SOAT2: variants seen among roughly 807,000 people sequenced by gnomAD.
SOAT2 encodes the protein ACAT-2.
Under a neutral mutation model 76.0 loss-of-function variants are expected in SOAT2, and 87 were observed. The observed-to-expected ratio is 1.14, with a 90% CI of 0.96 to 1.37. SOAT2 has a LOEUF of 1.37. SOAT2 is among the 40% of genes most tolerant of loss of function. The pLI, the probability that SOAT2 is intolerant of heterozygous loss-of-function variation, is 0.00. For synonymous variants in SOAT2, 285 were observed against 275.4 expected, an observed-to-expected ratio of 1.03 and a Z score of -0.34; for missense variants, 686 against 682.1, an observed-to-expected ratio of 1.01 and a Z score of -0.06.
At chr12:53,115,736 G>T in intron 6 of SOAT2, 82 bp downstream of exon 6, 2 of 1,416,574 alleles carry the variant, frequency 1.4e-6, no homozygotes, top group Admixed American at 2.9e-5. Context: ...CCCAAAGAGG[G>T]GGCGGGGCCC....
At position 53,124,063 on chromosome 12, in the gene SOAT2, T is replaced by A. The variant is rs755256123; in HGVS notation, c.1519-10T>A. 6.2e-7 allele frequency: 1 copy of A among 1,614,198 alleles called. No individual in the cohort carries two copies. Among genetic ancestry groups the A allele is most frequent in the South Asian group, 1.1e-5 (1 of 91,086 alleles). On this transcript the variant is annotated splice_polypyrimidine_tract_variant and intron_variant, in intron 14 of 14. Coordinates refer to ENST00000301466, the MANE Select transcript of SOAT2 (RefSeq NM_003578.4). ...TGATCTCATTCACGACTTATTCTTCTCTGGCTCAGGCAACTTTCTGGGGGC... is the reference window on the plus strand; with the variant it reads ...TGATCTCATTCACGACTTATTCTTCACTGGCTCAGGCAACTTTCTGGGGGC...
chr12:53,103,720 C>T (rs1198726514), intron 1 of SOAT2, 61 bp downstream of exon 1: 13 of 1,307,762 alleles, frequency 9.9e-6, no homozygotes, highest in South Asian at 2.9e-5. Context: ...GGGAGAGATG[C>T]GCTATGGAGA....
chr12:53,122,685 A>C (rs1938210482), intron 12 of SOAT2, among the ~76,000 whole-genome samples: 1 of 152,054 alleles, frequency 6.6e-6, no homozygotes, highest in African/African-American at 2.4e-5. Context: ...AAGGCAGAAG[A>C]ATTTTTCTTA....
At chr12:53,121,961 C>T (rs750293169) in intron 12 of SOAT2, among the ~76,000 whole-genome samples, 10 of 151,574 alleles carry the variant, frequency 6.6e-5, no homozygotes, top group Non-Finnish European at 1.3e-4. Flanking sequence ...GCAAATGCCA[C>T]CATGCTCAGC....
chr12:53,118,276 C>G (rs1218570711), intron 7 of SOAT2, 74 bp from the exon 8 acceptor site: 1 of 845,170 alleles, frequency 1.2e-6, no homozygotes, highest in Non-Finnish European at 2.0e-6. Flanking sequence ...ATCCCACCAC[C>G]CTTCCCCAGC....
At chr12:53,123,582 C>A (rs1480055126) in intron 13 of SOAT2, 146 bp from the exon 14 acceptor site, 2 of 899,840 alleles carry the variant, frequency 2.2e-6, no homozygotes, top group Non-Finnish European at 3.4e-6. Flanking sequence ...CCACTTTAGA[C>A]CTCTACGAAT....
chr12:53,123,732 G>A lies in SOAT2; in HGVS notation c.1377G>A (p.Met459Ile), dbSNP rs1938231264. The A allele has an allele frequency of 6.2e-7, 1 of 1,614,060 alleles. No homozygotes were observed. Residue 459 changes from methionine to isoleucine, a missense_variant, in exon 14 of 15, where the codon ATG becomes ATA. Transcript: ENST00000301466. ...MLILFLVIGG[M>I]LNFMMHDQRT... The stretch of plus-strand genomic sequence containing the variant: ...CAACCTTTCCTCCTGCACCAGGAAT[G>A]TTGAACTTCATGATGCATGACCAGC...
intron 13 of SOAT2, 63 bp from the exon 14 acceptor site, chr12:53,123,665 G>C (rs1292074185): frequency 3.1e-6 from 5 of 1,590,638 alleles, no homozygotes; most frequent in Middle Eastern, 1.7e-4. Context: ...CCTGGAATGG[G>C]AGGGAAGCCA....
chr12:53,119,305 C>A (rs1320597946), intron 10 of SOAT2, 52 bp downstream of exon 10: 3 of 1,594,840 alleles, frequency 1.9e-6, no homozygotes, highest in Non-Finnish European at 1.7e-6. Context: ...GAAGGCTAAT[C>A]AGGGAAGGCC....
In SOAT2 at chr12:53,124,455, C is replaced by T. The variant is rs1938243386; in HGVS notation, c.*332C>T. 5.8e-6 allele frequency: 2 copies of T among 344,326 alleles called. No individual in the cohort carries two copies. Among genetic ancestry groups the T allele is most frequent in the Non-Finnish European group, 1.1e-5 (2 of 188,416 alleles). The allele number at this position is 344,326 out of a possible 1,614,324, so 21.3% of individuals were successfully genotyped here. A position where few individuals can be genotyped will look rare whatever the true frequency, so the allele number is the denominator to read the frequency against. ...TGGGGGAACTCAGAGGAACTGGGGC[C>T]ACCAAGGTTGGAAAAGGGTTTGGTT... On this transcript the variant is annotated 3_prime_UTR_variant, in exon 15 of 15. Coordinates refer to ENST00000301466, the MANE Select transcript of SOAT2 (RefSeq NM_003578.4).
chr12:53,124,067 G>T lies in SOAT2; in HGVS notation c.1519-6G>T. The T allele has an allele frequency of 6.2e-7, 1 of 1,614,150 alleles. No individual in the cohort carries two copies. The highest frequency in any genetic ancestry group is 8.5e-7 in the Non-Finnish European group (1 of 1,180,016). On this transcript the variant is annotated splice_polypyrimidine_tract_variant and splice_region_variant and intron_variant, in intron 14 of 14. Coordinates refer to ENST00000301466, the MANE Select transcript of SOAT2 (RefSeq NM_003578.4). ...CTCATTCACGACTTATTCTTCTCTG[G>T]CTCAGGCAACTTTCTGGGGGCTGGT...
At chr12:53,117,061 C>A (rs1361838115) in intron 7 of SOAT2, among the ~76,000 whole-genome samples, 1 of 150,258 alleles carries the variant, frequency 6.7e-6, no homozygotes, top group Non-Finnish European at 1.5e-5. Context: ...TGGGTTCAAG[C>A]GATTCTCCTG....
chr12:53,119,229 T>C lies in SOAT2; in HGVS notation c.1015T>C (p.Ser339Pro), dbSNP rs776299711. The C allele has an allele frequency of 1.2e-6, 2 of 1,613,846 alleles. No homozygotes were observed. Among genetic ancestry groups the C allele is most frequent in the African/African-American group, 2.7e-5 (2 of 74,920 alleles). The change falls in exon 10 of 15, where the codon TCT becomes CCT. Residue 339 changes from serine (S) to proline (P), a missense_variant. By Grantham distance (74) the Ser-to-Pro change is moderately conservative (BLOSUM62 -1). Coordinates refer to ENST00000301466, the MANE Select transcript of SOAT2 (RefSeq NM_003578.4). The part of the protein sequence containing the change: ...EPFSTRALVL[S>P]ILHATLPGIF... The stretch of plus-strand genomic sequence containing the variant: ...CTTCAGCACCCGTGCCCTGGTGCTC[T>C]CTATCCTGCATGCCACGTTGCCAGG...
chr12:53,119,012 G>C (rs1938147832), intron 9 of SOAT2, 77 bp downstream of exon 9: 1 of 1,609,830 alleles, frequency 6.2e-7, no homozygotes, highest in Non-Finnish European at 8.5e-7. Context: ...GCCTGGGGAG[G>C]CAGTGGGAGG....
At chr12:53,122,085 C>T (rs1051260939) in intron 12 of SOAT2, among the ~76,000 whole-genome samples, 5 of 151,632 alleles carry the variant, frequency 3.3e-5, no homozygotes, top group East Asian at 1.9e-4. Flanking sequence ...GGATTACAGA[C>T]GTAAGTGACC....
intron 6 of SOAT2, 52 bp downstream of exon 6, chr12:53,115,706 T>G (rs374003918): frequency 5.2e-5 from 76 of 1,456,876 alleles, no homozygotes; most frequent in Middle Eastern, 2.6e-4. Flanking sequence ...GGTGGGGCCA[T>G]CTCAGCAGAG....
intron 2 of SOAT2, 123 bp from the exon 3 acceptor site, chr12:53,104,983 AG>A: frequency 1.4e-6 from 1 of 725,450 alleles, no homozygotes; most frequent in African/African-American, 2.3e-5. Flanking sequence ...CTGACCCCCC[AG>A]GTTGTTTTTT....
chr12:53,113,446 A>C (rs938422940), intron 5 of SOAT2, among the ~76,000 whole-genome samples: 1 of 152,326 alleles, frequency 6.6e-6, no homozygotes, highest in South Asian at 2.1e-4. Flanking sequence ...TCTCACGGGC[A>C]GCTGCTTGGA....
chr12:53,105,716 T>A (rs1937924359), intron 4 of SOAT2, 96 bp downstream of exon 4: 1 of 1,225,206 alleles, frequency 8.2e-7, no homozygotes, highest in Admixed American at 2.1e-5. Context: ...CTAGGTGGTT[T>A]GTGGAGAGGA....
Sources: allele counts gnomAD v4.1 joint callset (sites outside exome capture counted in the v4.1 genomes callset), GRCh38; gene constraint gnomAD v4.1.1; transcripts MANE v1.5; gene names NCBI Gene and HGNC (gene_info 2026-07-23, HGNC 2026-07-21).